Variants in NALF1 observed in about 807,000 individuals in gnomAD.
NALF1 encodes NALCN channel auxiliary factor 1.
Under a neutral mutation model 48.4 loss-of-function variants are expected in NALF1, and 3 were observed. The observed-to-expected ratio is 0.06, with a 90% CI of 0.03 to 0.16. The LOEUF is 0.16. Among genes scored for constraint, NALF1 ranks in the 10% least tolerant of loss-of-function variants. NALF1 has a pLI of 1.00. For missense variants in NALF1, 526 were observed against 571.5 expected (o/e 0.92, Z 0.81); for synonymous variants, 262 against 245.7 (o/e 1.07, Z -0.62).
chr13:107,687,472 A>G (rs577305326), intron 1 of NALF1, among the ~76,000 whole-genome samples: 131 of 145,310 alleles, frequency 9.0e-4, no homozygotes, highest in African/African-American at 3.1e-3. Context: ...AAGAAAAAAA[A>G]AAAAAGAAAG....
chr13:107,456,257 AT>A (rs1300587017), intron 1 of NALF1, among the ~76,000 whole-genome samples: 1 of 152,126 alleles, frequency 6.6e-6, no homozygotes, highest in Non-Finnish European at 1.5e-5. Context: ...ACAACTTATT[AT>A]TTTTTCTGTG....
At chr13:107,248,836 G>C (rs1180114593) in intron 1 of NALF1, among the ~76,000 whole-genome samples, 1 of 150,834 alleles carries the variant, frequency 6.6e-6, no homozygotes, top group Non-Finnish European at 1.5e-5. Context: ...ATAATACAGA[G>C]TTCAGAAATA....
intron 2 of NALF1, among the ~76,000 whole-genome samples, chr13:107,199,236 C>G (rs777488380): frequency 1.3e-5 from 2 of 152,130 alleles, no homozygotes; most frequent in African/African-American, 4.8e-5. Context: ...GGCATGGAGG[C>G]AAGACCATGT....
Position 107,292,969 on chromosome 13 carries a change from G to A in NALF1, c.916-82214C>T, listed in dbSNP as rs564443333. Among the ~76,000 whole-genome samples the A allele has an allele frequency of 4.8e-5, 7 of 145,152 alleles. No individual in the cohort carries two copies. The South Asian group carries it at 1.5e-3, about 32-fold the overall frequency. On this transcript the variant is annotated intron_variant, in intron 1 of 2. Coordinates refer to ENST00000375915, the MANE Select transcript of NALF1 (RefSeq NM_001080396.3). The stretch of plus-strand genomic sequence containing the variant: ...GTCACTAGGCAATAGGCATTTTTCA[G>A]CTCCGTTATAGTTTTTCTTTTTCTT...
chr13:107,755,636 CAT>C (rs1877074113), intron 1 of NALF1, among the ~76,000 whole-genome samples: 1 of 151,350 alleles, frequency 6.6e-6, no homozygotes, highest in African/African-American at 2.4e-5. Context: ...CTATAATGAA[CAT>C]ATGTTGATAG....
At chr13:107,213,118 T>C in intron 1 of NALF1, among the ~76,000 whole-genome samples, 1 of 151,500 alleles carries the variant, frequency 6.6e-6, no homozygotes, top group East Asian at 1.9e-4. Flanking sequence ...GATCTAGCCA[T>C]CCTCTTTGCA....
intron 1 of NALF1, among the ~76,000 whole-genome samples, chr13:107,493,422 G>T (rs970889587): frequency 1.3e-5 from 2 of 152,134 alleles, no homozygotes; most frequent in African/African-American, 4.8e-5. Context: ...CTTAGTGGAT[G>T]AAAGTGCATG....
At chr13:107,797,800 T>G (rs2138593346) in intron 1 of NALF1, among the ~76,000 whole-genome samples, 1 of 152,304 alleles carries the variant, frequency 6.6e-6, no homozygotes, top group Non-Finnish European at 1.5e-5. Context: ...AAAAAAATTT[T>G]ATCAATCCAA....
intron 1 of NALF1, among the ~76,000 whole-genome samples, chr13:107,441,374 G>A (rs1005844656): frequency 6.6e-6 from 1 of 152,228 alleles, no homozygotes; most frequent in African/African-American, 2.4e-5. Flanking sequence ...AAGGCAACGT[G>A]AGGATCATTA....
At position 107,745,580 on chromosome 13, in the gene NALF1, GT is replaced by G. The variant is rs1876760605; in HGVS notation, c.915+120101del. Among the ~76,000 whole-genome samples the G allele has an allele frequency of 2.0e-5, 3 of 152,126 alleles. No individual in the cohort carries two copies. In the South Asian group the frequency reaches 6.2e-4, roughly 32 times the overall value. On this transcript the variant is annotated intron_variant, in intron 1 of 2. Transcript: ENST00000375915. ...TACAGTGACCTACGTTTATTTTTCT[GT>G]TGTAAACACTCAAATCAAGGAGTAG...
At chr13:107,469,508 C>T (rs1885061981) in intron 1 of NALF1, among the ~76,000 whole-genome samples, 1 of 152,140 alleles carries the variant, frequency 6.6e-6, no homozygotes, top group South Asian at 2.1e-4. Context: ...GGATCCTCAA[C>T]TACCTTACAT....
At chr13:107,698,631 G>T (rs549734474) in intron 1 of NALF1, among the ~76,000 whole-genome samples, 5 of 151,962 alleles carry the variant, frequency 3.3e-5, no homozygotes, top group Admixed American at 2.0e-4. Flanking sequence ...AGACATTTTT[G>T]AATATAAAAT....
chr13:107,254,850 C>G (rs930360301), intron 1 of NALF1, among the ~76,000 whole-genome samples: 22 of 152,320 alleles, frequency 1.4e-4, no homozygotes, highest in African/African-American at 4.6e-4. Flanking sequence ...CATTGACTTA[C>G]AGCCCTAAAA....
At chr13:107,780,777 C>A (rs1338170363) in intron 1 of NALF1, among the ~76,000 whole-genome samples, 2 of 152,062 alleles carry the variant, frequency 1.3e-5, no homozygotes, top group Non-Finnish European at 2.9e-5. Flanking sequence ...ACTAAAAATA[C>A]AAGAGTTTTA....
chr13:107,235,352 T>C (rs533516370), intron 1 of NALF1, among the ~76,000 whole-genome samples: 83 of 152,102 alleles, frequency 5.5e-4, no homozygotes, highest in African/African-American at 1.9e-3. Flanking sequence ...CTACTTTTCT[T>C]TTTTTTTAAA....
At chr13:107,191,205 C>T (rs1286454488) in intron 2 of NALF1, among the ~76,000 whole-genome samples, 1 of 151,010 alleles carries the variant, frequency 6.6e-6, no homozygotes, top group Non-Finnish European at 1.5e-5. Flanking sequence ...TTTGAAGACA[C>T]AAGAACCTAT....
chr13:107,299,475 TAAATA>T (rs1566478544), intron 1 of NALF1, among the ~76,000 whole-genome samples: 1 of 128,480 alleles, frequency 7.8e-6, no homozygotes. Context: ...TAATAATAAA[TAAATA>T]AATAAATAAA....
intron 1 of NALF1, among the ~76,000 whole-genome samples, chr13:107,294,143 C>T (rs578001557): frequency 6.6e-6 from 1 of 152,188 alleles, no homozygotes; most frequent in African/African-American, 2.4e-5. Context: ...CCAATCTCAC[C>T]CCCATTGGGC....
chr13:107,547,707 T>C (rs1313980930), intron 1 of NALF1, among the ~76,000 whole-genome samples: 4 of 152,278 alleles, frequency 2.6e-5, no homozygotes, highest in East Asian at 1.9e-4. Context: ...TCCTAAGCAC[T>C]TGGGGCCACA....
Sources: allele counts gnomAD v4.1 joint callset (sites outside exome capture counted in the v4.1 genomes callset), GRCh38; gene constraint gnomAD v4.1.1; transcripts MANE v1.5; gene names NCBI Gene and HGNC (gene_info 2026-07-23, HGNC 2026-07-21).